SOX6: variants seen among roughly 807,000 people sequenced by gnomAD.
The protein encoded by SOX6 is SRY-box transcription factor 6.
In SOX6, 11 loss-of-function variants were observed where a neutral mutation model predicts 97.8. That is an observed-to-expected ratio of 0.11 (90% CI 0.07 to 0.19). SOX6 has a LOEUF of 0.19. Among genes scored for constraint, SOX6 ranks in the 10% least tolerant of loss-of-function variants. SOX6 has a pLI of 1.00. For missense variants in SOX6, 810 were observed against 1,039.5 expected, an observed-to-expected ratio of 0.78 and a Z score of 3.04; for synonymous variants, 360 against 371.4, an observed-to-expected ratio of 0.97 and a Z score of 0.35.
At chr11:16,399,203 AT>A (rs1317367877) in intron 1 of SOX6, among the ~76,000 whole-genome samples, 1 of 151,352 alleles carries the variant, frequency 6.6e-6, no homozygotes, top group Non-Finnish European at 1.5e-5. Flanking sequence ...AAACAGGATC[AT>A]GTTTATTAAA....
intron 4 of SOX6, among the ~76,000 whole-genome samples, chr11:16,487,130 T>C (rs981778837): frequency 1.3e-5 from 2 of 152,118 alleles, no homozygotes; most frequent in African/African-American, 2.4e-5. Flanking sequence ...CTCTGTAAAA[T>C]GTCTTATTTT....
At chr11:16,015,237 A>G (rs1312857732) in intron 12 of SOX6, 187 bp from the exon 13 acceptor site, 1 of 628,494 alleles carries the variant, frequency 1.6e-6, no homozygotes, top group Admixed American at 2.4e-5. Flanking sequence ...CACTGACAGC[A>G]TCTAGACCAT....
intron 15 of SOX6, 148 bp downstream of exon 15, chr11:15,986,056 C>T: frequency 2.5e-6 from 2 of 812,436 alleles, no homozygotes; most frequent in Non-Finnish European, 4.3e-6. Context: ...GCCCCTATGA[C>T]ACAGCAAAGA....
chr11:16,149,234 G>A (rs559383568), intron 6 of SOX6, among the ~76,000 whole-genome samples: 17 of 152,174 alleles, frequency 1.1e-4, no homozygotes, highest in Non-Finnish European at 2.1e-4. Flanking sequence ...TTCAAGGGCA[G>A]TTATTTTATG....
intron 1 of SOX6, among the ~76,000 whole-genome samples, chr11:16,392,875 T>G (rs1251978951): frequency 6.6e-6 from 1 of 152,130 alleles, no homozygotes; most frequent in African/African-American, 2.4e-5. Context: ...TCCCTTAAGT[T>G]GACTCACTTC....
intron 1 of SOX6, among the ~76,000 whole-genome samples, chr11:16,353,414 G>A (rs564401343): frequency 6.6e-6 from 1 of 152,160 alleles, no homozygotes; most frequent in African/African-American, 2.4e-5. Context: ...CCTCTCATAT[G>A]AGGACATGAA....
chr11:16,012,368 C>A (rs1425423928), intron 13 of SOX6, among the ~76,000 whole-genome samples: 1 of 152,020 alleles, frequency 6.6e-6, no homozygotes, highest in Non-Finnish European at 1.5e-5. Context: ...CACAGAAGCA[C>A]TGCACTTCGG....
At chr11:16,052,647 T>C (rs1344024129) in intron 10 of SOX6, among the ~76,000 whole-genome samples, 3 of 152,224 alleles carry the variant, frequency 2.0e-5, no homozygotes, top group Non-Finnish European at 2.9e-5. Flanking sequence ...ATTTATTGAA[T>C]GGATGCTACA....
At chr11:16,418,469 T>A (rs1271256280) in intron 1 of SOX6, among the ~76,000 whole-genome samples, 3 of 152,144 alleles carry the variant, frequency 2.0e-5, no homozygotes, top group Non-Finnish European at 4.4e-5. Context: ...TACCATTGAA[T>A]GTTTCTACTG....
chr11:16,623,374 T>C (rs1367297692), intron 3 of SOX6, among the ~76,000 whole-genome samples: 4 of 152,106 alleles, frequency 2.6e-5, no homozygotes, highest in Non-Finnish European at 4.4e-5. Flanking sequence ...CTTTGGAGAA[T>C]TGTCTATTCA....
At chr11:16,265,239 AG>A (rs1854043952) in intron 3 of SOX6, among the ~76,000 whole-genome samples, 1 of 152,052 alleles carries the variant, frequency 6.6e-6, no homozygotes, top group South Asian at 2.1e-4. Context: ...ATTGTCTGAA[AG>A]GATTAGAGAG....
chr11:16,442,492 C>T (rs937419598), intron 1 of SOX6, among the ~76,000 whole-genome samples: 2 of 152,112 alleles, frequency 1.3e-5, no homozygotes, highest in Non-Finnish European at 1.5e-5. Context: ...AAATGACATG[C>T]ATTCACATAT....
rs182399831 is a variant in SOX6, at chr11:16,653,586, A to G, written n.430-41326T>C. The stretch of plus-strand genomic sequence containing the variant: ...AAATAAGCTATGAGGATACAAAGGC[A>G]TAAGAATTATACAATGGACTTTGGG... On this transcript the variant is annotated intron_variant and non_coding_transcript_variant, in intron 3 of 5. Coordinates refer to the SOX6 transcript ENST00000524520. Among the ~76,000 whole-genome samples the G allele has an allele frequency of 7.2e-5, 11 of 152,300 alleles. No individual in the cohort carries two copies. The East Asian group carries it at 1.7e-3, about 24-fold the overall frequency.
intron 4 of SOX6, among the ~76,000 whole-genome samples, chr11:16,580,673 A>G (rs998413120): frequency 6.6e-6 from 1 of 152,146 alleles, no homozygotes; most frequent in Non-Finnish European, 1.5e-5. Flanking sequence ...AACCTACAGA[A>G]TGGGAGAAAA....
chr11:16,308,102 A>G (rs1222001556), intron 3 of SOX6, among the ~76,000 whole-genome samples: 1 of 152,192 alleles, frequency 6.6e-6, no homozygotes, highest in Non-Finnish European at 1.5e-5. Flanking sequence ...CTTTGTCCGT[A>G]AGTGCTTCAC....
chr11:16,226,643 T>G (rs1396018982), intron 4 of SOX6, among the ~76,000 whole-genome samples: 1 of 152,168 alleles, frequency 6.6e-6, no homozygotes, highest in African/African-American at 2.4e-5. Flanking sequence ...CTATGGCATC[T>G]TCATTCCTTT....
intron 6 of SOX6, among the ~76,000 whole-genome samples, chr11:16,178,052 G>A (rs1166669314): frequency 1.3e-5 from 2 of 151,882 alleles, no homozygotes; most frequent in African/African-American, 4.8e-5. Flanking sequence ...TCACCTTCAG[G>A]TTTTGGTATG....
intron 4 of SOX6, among the ~76,000 whole-genome samples, chr11:16,221,971 C>T (rs1263671802): frequency 6.6e-6 from 1 of 152,138 alleles, no homozygotes; most frequent in East Asian, 1.9e-4. Context: ...GAAACTGCCA[C>T]TTGCCAAATT....
intron 13 of SOX6, among the ~76,000 whole-genome samples, chr11:15,996,349 C>T (rs769085995): frequency 1.3e-5 from 2 of 152,078 alleles, no homozygotes; most frequent in African/African-American, 2.4e-5. Flanking sequence ...TACAAAGAGG[C>T]CAGGCAAGGT....
Sources: allele counts gnomAD v4.1 joint callset (sites outside exome capture counted in the v4.1 genomes callset), GRCh38; gene constraint gnomAD v4.1.1; transcripts MANE v1.5; gene names NCBI Gene and HGNC (gene_info 2026-07-23, HGNC 2026-07-21).